Variants in SPEF2 observed in about 807,000 individuals in gnomAD.
SPEF2 encodes sperm flagellar and cilia associated 2.
Under a neutral mutation model 224.6 loss-of-function variants are expected in SPEF2, and 187 were observed. The observed-to-expected ratio is 0.83, with a 90% confidence interval of 0.74 to 0.94. The LOEUF (loss-of-function observed/expected upper bound fraction) is 0.94. Among genes scored for constraint, SPEF2 ranks in the 40% least tolerant of loss-of-function variants. SPEF2 has a pLI of 0.00. For synonymous variants in SPEF2, 715 were observed against 707.3 expected (o/e 1.01, Z -0.17); for missense variants, 2,170 against 2,135.6 (o/e 1.02, Z -0.32).
chr5:35,652,160 C>T (rs1748286354), intron 6 of SPEF2, among the ~76,000 whole-genome samples: 1 of 152,008 alleles, frequency 6.6e-6, no homozygotes, highest in South Asian at 2.1e-4. Context: ...CTCAAGAAAC[C>T]TACATCTAGT....
chr5:35,792,453 T>C lies in SPEF2; in HGVS notation c.4554+7T>C. On this transcript the variant is annotated splice_region_variant and intron_variant, in intron 31 of 36. Coordinates refer to ENST00000356031, the MANE Select transcript of SPEF2 (RefSeq NM_024867.4). ...GCACCTTACCCAACCTGAAGTAAGC[T>C]TCTATGTTGTTTGAGTTGTAAAGCT... 6.2e-7 allele frequency: 1 copy of C among 1,610,802 alleles called. No homozygotes were observed. The highest frequency in any genetic ancestry group is 2.2e-5 in the East Asian group (1 of 44,792).
intron 8 of SPEF2, among the ~76,000 whole-genome samples, chr5:35,662,754 T>G (rs758701687): frequency 8.5e-5 from 13 of 152,174 alleles, no homozygotes; most frequent in Non-Finnish European, 1.3e-4. Flanking sequence ...GTGGTCTTAT[T>G]TCTGGGTTCT....
intron 26 of SPEF2, among the ~76,000 whole-genome samples, chr5:35,766,864 A>G (rs1465097941): frequency 1.3e-5 from 2 of 151,848 alleles, no homozygotes; most frequent in Non-Finnish European, 2.9e-5. Flanking sequence ...TTTTAGAAAT[A>G]TATTTTTAAT....
At chr5:35,742,427 A>G (rs1747796670) in intron 23 of SPEF2, among the ~76,000 whole-genome samples, 1 of 152,086 alleles carries the variant, frequency 6.6e-6, no homozygotes, top group Admixed American at 6.5e-5. Flanking sequence ...ACACAGTAAG[A>G]ACTTGTAAAT....
intron 21 of SPEF2, among the ~76,000 whole-genome samples, chr5:35,734,714 T>A (rs1019751976): frequency 1.4e-5 from 2 of 144,666 alleles, no homozygotes; most frequent in Admixed American, 6.9e-5. Flanking sequence ...TTTTTCTTTT[T>A]TTTTTTTTTT....
chr5:35,711,752 C>A (rs1262945580), intron 19 of SPEF2, among the ~76,000 whole-genome samples: 2 of 68,034 alleles, frequency 2.9e-5, no homozygotes, highest in Non-Finnish European at 7.3e-5. Flanking sequence ...GTTATCATGT[C>A]TGTGATATTT....
At chr5:35,814,296 C>G (rs1037956227) in intron 36 of SPEF2, among the ~76,000 whole-genome samples, 168 bp from the exon 37 acceptor site, 1 of 152,058 alleles carries the variant, frequency 6.6e-6, no homozygotes, top group African/African-American at 2.4e-5. Flanking sequence ...TAGTAAGTCT[C>G]AGGGTGGGAT....
chr5:35,768,180 T>A (rs1341699397), intron 26 of SPEF2, among the ~76,000 whole-genome samples: 2 of 152,114 alleles, frequency 1.3e-5, no homozygotes, highest in Non-Finnish European at 2.9e-5. Context: ...CTCAATATAG[T>A]CTTGAGGTGC....
intron 10 of SPEF2, among the ~76,000 whole-genome samples, chr5:35,681,891 C>T (rs1413194333): frequency 6.6e-6 from 1 of 152,020 alleles, no homozygotes; most frequent in Non-Finnish European, 1.5e-5. Context: ...GGGTTCAGAC[C>T]AATAAAAATG....
chr5:35,630,742 G>A (rs188079086), intron 2 of SPEF2, among the ~76,000 whole-genome samples: 75 of 152,064 alleles, frequency 4.9e-4, no homozygotes, highest in African/African-American at 1.7e-3. Context: ...ACCCTAAATC[G>A]TCTCTCTCTC....
chr5:35,771,557 G>GC (rs1229253695), intron 26 of SPEF2, 52 bp from the exon 27 acceptor site: 1 of 1,572,788 alleles, frequency 6.4e-7, no homozygotes, highest in Non-Finnish European at 8.6e-7. Context: ...CCAAATGGTT[G>GC]CCATATTTTG....
chr5:35,725,667 G>A lies in SPEF2; in HGVS notation c.2915-2008G>A, dbSNP rs187636919. 2.1e-3 allele frequency among the ~76,000 whole-genome samples: 320 copies of A among 152,228 alleles called. 2 individuals carry two copies. The highest frequency in any genetic ancestry group is 3.8e-3 in the Non-Finnish European group (258 of 68,014). ...TTTTAATTACTCAGACCTTCACTGA[G>A]TTCCTATTATTATCTCTTTGCTCAA... On this transcript the variant is annotated intron_variant, in intron 20 of 36. Transcript: ENST00000356031.
chr5:35,737,126 T>A (rs1221272578), intron 21 of SPEF2, among the ~76,000 whole-genome samples: 1 of 152,248 alleles, frequency 6.6e-6, no homozygotes, highest in Non-Finnish European at 1.5e-5. Context: ...CAATTTCTTT[T>A]TTTTTGTCAT....
At chr5:35,774,500 C>A (rs1753323672) in intron 28 of SPEF2, among the ~76,000 whole-genome samples, 1 of 152,020 alleles carries the variant, frequency 6.6e-6, no homozygotes, top group Non-Finnish European at 1.5e-5. Context: ...GGAACAAAGG[C>A]CATAGGAGAG....
intron 36 of SPEF2, among the ~76,000 whole-genome samples, chr5:35,809,528 G>A (rs1758409225): frequency 6.6e-6 from 1 of 152,106 alleles, no homozygotes; most frequent in Non-Finnish European, 1.5e-5. Flanking sequence ...TAGGGAGGCA[G>A]CAGAGTCCTG....
intron 10 of SPEF2, among the ~76,000 whole-genome samples, chr5:35,685,717 T>A (rs1158338459): frequency 6.6e-6 from 1 of 152,034 alleles, no homozygotes; most frequent in Non-Finnish European, 1.5e-5. Flanking sequence ...TCACACATCA[T>A]CTATTTGACT....
Position 35,789,625 on chromosome 5 carries a change from GT to G in SPEF2, c.4448-2712del, listed in dbSNP as rs1482118402. 4 of 630,684 alleles carry G rather than the reference GT, an allele frequency of 6.3e-6. No homozygotes were observed. In the African/African-American group the frequency reaches 7.3e-5, roughly 12 times the overall value. 39.1% of individuals were successfully genotyped at this position (630,684 alleles called of 1,614,324 possible). On this transcript the variant is annotated intron_variant, in intron 30 of 36. Coordinates refer to ENST00000356031, the MANE Select transcript of SPEF2 (RefSeq NM_024867.4). ...CATCTTATCAAGAGACTTCAAGGCT[GT>G]TTCAGAGATGCCAGCCAAAATGTGG...
Position 35,762,624 on chromosome 5 carries a change from C to G in SPEF2, c.3621-898C>G, listed in dbSNP as rs148767516. On this transcript the variant is annotated intron_variant, in intron 25 of 36. Transcript: ENST00000356031. The stretch of plus-strand genomic sequence containing the variant: ...TGTTCCTAGATTACTGATTCTGACT[C>G]TCCTCCTCTAGTTTCAACAGAGGCA... Among the ~76,000 whole-genome samples, 254 of 152,212 alleles carry G rather than the reference C, an allele frequency of 1.7e-3. 1 individual carries two copies. Among genetic ancestry groups the G allele is most frequent in the Non-Finnish European group, 3.0e-3 (207 of 68,010 alleles).
At chr5:35,756,951 C>CA (rs1316717170) in intron 24 of SPEF2, among the ~76,000 whole-genome samples, 4 of 150,370 alleles carry the variant, frequency 2.7e-5, no homozygotes, top group Non-Finnish European at 4.5e-5. Context: ...GCCTATAGGA[C>CA]AAGTTTTCTA....
Sources: gnomAD v4.1 joint callset for allele counts (sites outside exome capture counted in the v4.1 genomes callset) on GRCh38, gnomAD v4.1.1 for gene constraint, MANE v1.5 for transcripts, NCBI Gene and HGNC (gene_info 2026-07-23, HGNC 2026-07-21) for gene names.